Variants in TNS3 observed in about 807,000 individuals in gnomAD.
TNS3 encodes the protein tensin-3.
Under a neutral mutation model 140.9 loss-of-function variants are expected in TNS3, and 45 were observed. That is an observed-to-expected ratio of 0.32 (90% CI 0.25 to 0.41). The LOEUF (loss-of-function observed/expected upper bound fraction) is 0.41. TNS3 is among the 10% of genes least tolerant of loss of function. The probability of loss-of-function intolerance (pLI) is 1.00; values close to 1 mark genes in which losing one functional copy is unlikely to be tolerated. For missense variants in TNS3, 1,716 were observed against 1,906.7 expected, an observed-to-expected ratio of 0.90 and a Z score of 1.86; for synonymous variants, 815 against 788.4, an observed-to-expected ratio of 1.03 and a Z score of -0.56.
At chr7:47,547,307 G>A (rs1213091785) in intron 1 of TNS3, among the ~76,000 whole-genome samples, 1 of 152,174 alleles carries the variant, frequency 6.6e-6, no homozygotes, top group Non-Finnish European at 1.5e-5. Flanking sequence ...AATTAAGAGA[G>A]ATAAGGGGCC....
chr7:47,460,016 A>G (rs1796415246), intron 4 of TNS3, among the ~76,000 whole-genome samples: 2 of 152,126 alleles, frequency 1.3e-5, no homozygotes, highest in Non-Finnish European at 2.9e-5. Flanking sequence ...AGAGGAGATT[A>G]TCCTGGCTAA....
chr7:47,390,073 C>T (rs1350405264), intron 16 of TNS3, among the ~76,000 whole-genome samples: 1 of 152,218 alleles, frequency 6.6e-6, no homozygotes, highest in Non-Finnish European at 1.5e-5. Context: ...CCTGGAGCAG[C>T]TCTCAATGCT....
intron 16 of TNS3, among the ~76,000 whole-genome samples, chr7:47,376,338 G>A (rs1187899218): frequency 6.6e-6 from 1 of 152,226 alleles, no homozygotes. Context: ...GCCACCCTCA[G>A]GTGAGCCAGG....
intron 17 of TNS3, among the ~76,000 whole-genome samples, chr7:47,357,644 C>T (rs909019192): frequency 3.9e-5 from 6 of 152,152 alleles, no homozygotes; most frequent in Non-Finnish European, 8.8e-5. Context: ...TCAAGACCAA[C>T]CCAGGGAAGA....
chr7:47,277,910 A>G lies in TNS3; in HGVS notation c.*166T>C, dbSNP rs762947080. ...TTTCAGGAAAGGCCAATTCACGGTG[A>G]TGTTGTTTGTTCTTGTTTTTGCAGA... On this transcript the variant is annotated 3_prime_UTR_variant, in exon 31 of 31. Transcript: ENST00000311160. 48 of 792,116 alleles carry G rather than the reference A, an allele frequency of 6.1e-5. No homozygotes were observed. Among genetic ancestry groups the G allele is most frequent in the East Asian group, 2.9e-4 (11 of 37,502 alleles). The allele number at this position is 792,116 out of a possible 1,614,324, so 49.1% of individuals were successfully genotyped here.
intron 8 of TNS3, among the ~76,000 whole-genome samples, chr7:47,428,805 T>C (rs1371382446): frequency 6.6e-6 from 1 of 152,320 alleles, no homozygotes; most frequent in South Asian, 2.1e-4. Flanking sequence ...TGATGGGACA[T>C]AGATTCCAGC....
At chr7:47,448,135 T>C (rs1233790720) in intron 4 of TNS3, among the ~76,000 whole-genome samples, 3 of 152,218 alleles carry the variant, frequency 2.0e-5, no homozygotes. Context: ...AGCTGCTCCC[T>C]TGGCTGTCAC....
intron 17 of TNS3, among the ~76,000 whole-genome samples, chr7:47,367,307 G>C (rs1374534313): frequency 6.6e-6 from 1 of 152,198 alleles, no homozygotes; most frequent in Non-Finnish European, 1.5e-5. Flanking sequence ...TCTGCCTGCT[G>C]AGTGTTTCCC....
chr7:47,291,873 C>T, intron 27 of TNS3, 82 bp downstream of exon 27: 1 of 1,440,548 alleles, frequency 6.9e-7, no homozygotes, highest in Non-Finnish European at 9.6e-7. Flanking sequence ...AACCTGAATA[C>T]TGAAGTGCAA....
chr7:47,390,104 G>A (rs1792424765), intron 16 of TNS3, among the ~76,000 whole-genome samples: 1 of 152,196 alleles, frequency 6.6e-6, no homozygotes, highest in Admixed American at 6.5e-5. Flanking sequence ...ACTCCACGTT[G>A]CCAACAAGGA....
At chr7:47,354,925 T>C (rs904531538) in intron 17 of TNS3, among the ~76,000 whole-genome samples, 5 of 152,188 alleles carry the variant, frequency 3.3e-5, no homozygotes, top group Admixed American at 2.6e-4. Flanking sequence ...ACCAGGCATT[T>C]AGCTGTCTTC....
At chr7:47,581,918 C>T (rs1253537817) in intron 1 of TNS3, 133 bp downstream of exon 1, 1 of 152,370 alleles carries the variant, frequency 6.6e-6, no homozygotes, top group Non-Finnish European at 1.5e-5. Context: ...AACTCAGTCC[C>T]CGCGCCCCAG....
At chr7:47,397,705 T>C (rs778428171) in intron 15 of TNS3, among the ~76,000 whole-genome samples, 4 of 152,182 alleles carry the variant, frequency 2.6e-5, no homozygotes, top group Non-Finnish European at 5.9e-5. Context: ...GGAAAGTTTA[T>C]AGCACTAAAT....
chr7:47,389,109 CAGAAGAAGAAGAAGAAGA>C lies in TNS3; in HGVS notation c.1024+7673_1024+7690del, dbSNP rs140799405. 5.1e-5 allele frequency among the ~76,000 whole-genome samples: 3 copies of C among 59,076 alleles called. 1 individual carries two copies. The highest frequency in any genetic ancestry group is 1.1e-4 in the Non-Finnish European group (3 of 27,836). The allele number at this position is 59,076 out of a possible 152,430, so 38.8% of individuals were successfully genotyped here. A position where few individuals can be genotyped will look rare whatever the true frequency, so the allele number is the denominator to read the frequency against. On this transcript the variant is annotated intron_variant, in intron 16 of 30. Coordinates refer to ENST00000311160, the MANE Select transcript of TNS3 (RefSeq NM_022748.12). Reference sequence around the variant, plus strand: ...GAGGAAGAGGAAGAGGAAGCGGAAGCAGAAGAAGAAGAAGAAGAAGAAGAAGAAGAAGAAGAAGAAGAA... The same window carrying C: ...GAGGAAGAGGAAGAGGAAGCGGAAGCAGAAGAAGAAGAAGAAGAAGAAGAA...
chr7:47,541,528 G>A (rs754397022), intron 1 of TNS3, among the ~76,000 whole-genome samples: 8 of 152,054 alleles, frequency 5.3e-5, no homozygotes, highest in Non-Finnish European at 8.8e-5. Flanking sequence ...AGACACAGGG[G>A]CCAGCCTGAA....
At chr7:47,408,974 A>G (rs1793602033) in intron 13 of TNS3, among the ~76,000 whole-genome samples, 1 of 152,132 alleles carries the variant, frequency 6.6e-6, no homozygotes, top group South Asian at 2.1e-4. Flanking sequence ...CCCCAACGGG[A>G]TCCTCTAGGG....
chr7:47,310,277 G>T (rs1218864561), intron 20 of TNS3, among the ~76,000 whole-genome samples: 1 of 152,174 alleles, frequency 6.6e-6, no homozygotes, highest in South Asian at 2.1e-4. Context: ...ATCTAAAAAA[G>T]ATCAGCAGGG....
intron 17 of TNS3, among the ~76,000 whole-genome samples, chr7:47,364,455 G>T (rs1195283948): frequency 6.6e-6 from 1 of 151,976 alleles, no homozygotes; most frequent in Non-Finnish European, 1.5e-5. Flanking sequence ...ACCAATTTTT[G>T]TAACTTTGTA....
At chr7:47,488,974 G>A (rs149097533) in intron 3 of TNS3, among the ~76,000 whole-genome samples, 1 of 152,218 alleles carries the variant, frequency 6.6e-6, no homozygotes, top group Non-Finnish European at 1.5e-5. Context: ...AGTACAAAAT[G>A]AGGACATTCG....
Sources: gnomAD v4.1 joint callset for allele counts (sites outside exome capture counted in the v4.1 genomes callset) on GRCh38, gnomAD v4.1.1 for gene constraint, MANE v1.5 for transcripts, NCBI Gene and HGNC (gene_info 2026-07-23, HGNC 2026-07-21) for gene names.